Variants in LAMA2 observed in about 807,000 individuals in gnomAD.
LAMA2 encodes laminin subunit alpha-2.
Under a neutral mutation model 364.8 loss-of-function variants are expected in LAMA2, and 269 were observed. The ratio of observed to expected loss-of-function variants is 0.74; its 90% CI spans 0.67 to 0.82. The LOEUF (loss-of-function observed/expected upper bound fraction) is 0.82. Among genes scored for constraint, LAMA2 ranks in the 40% least tolerant of loss-of-function variants. The probability of loss-of-function intolerance (pLI) is 0.00; values close to 1 mark genes in which losing one functional copy is unlikely to be tolerated. For synonymous variants in LAMA2, 1,379 were observed against 1,370.6 expected, an observed-to-expected ratio of 1.01 and a Z score of -0.14; for missense variants, 3,807 against 3,873.2, an observed-to-expected ratio of 0.98 and a Z score of 0.45.
At chr6:129,511,770 G>GAATT (rs35850640) in intron 62 of LAMA2, among the ~76,000 whole-genome samples, 102,931 of 151,372 alleles carry the variant, frequency 0.68, 36,367 homozygotes, top group East Asian at 0.77. Flanking sequence ...ATAGAGGAAA[G>GAATT]AATTAACTGG....
intron 1 of LAMA2, among the ~76,000 whole-genome samples, chr6:128,897,231 C>T (rs998601936): frequency 1.1e-4 from 17 of 152,098 alleles, no homozygotes; most frequent in East Asian, 5.8e-4. Context: ...TTTTATTTCC[C>T]TTTTTTGTGA....
At chr6:129,099,531 T>C (rs1011054597) in intron 4 of LAMA2, among the ~76,000 whole-genome samples, 7 of 152,178 alleles carry the variant, frequency 4.6e-5, no homozygotes, top group Admixed American at 6.6e-5. Flanking sequence ...TATATCTCCA[T>C]TGATACTCAT....
intron 60 of LAMA2, among the ~76,000 whole-genome samples, chr6:129,503,625 T>C (rs1785819621): frequency 6.6e-6 from 1 of 152,222 alleles, no homozygotes; most frequent in African/African-American, 2.4e-5. Context: ...CTCGATGTAT[T>C]CAATTTTAAG....
chr6:129,455,870 G>A (rs369913005), intron 47 of LAMA2, among the ~76,000 whole-genome samples: 3 of 152,258 alleles, frequency 2.0e-5, no homozygotes, highest in African/African-American at 4.8e-5. Context: ...GAGAAATCAT[G>A]CAGCTTATGA....
chr6:129,053,650 G>A (rs910302373), intron 2 of LAMA2, among the ~76,000 whole-genome samples: 4 of 152,156 alleles, frequency 2.6e-5, no homozygotes, highest in African/African-American at 7.2e-5. Context: ...TAAATGCTTC[G>A]AAGATAATTG....
At chr6:129,369,067 T>A (rs1777930264) in intron 33 of LAMA2, among the ~76,000 whole-genome samples, 1 of 152,150 alleles carries the variant, frequency 6.6e-6, no homozygotes, top group Admixed American at 6.6e-5. Flanking sequence ...CTCAACTGGG[T>A]GCTATTCAGA....
chr6:129,482,562 C>T (rs1477272594), intron 55 of LAMA2, among the ~76,000 whole-genome samples: 2 of 152,100 alleles, frequency 1.3e-5, no homozygotes, highest in Non-Finnish European at 1.5e-5. Context: ...CCTTGTAAAC[C>T]AGATCATGTT....
At chr6:129,411,481 A>C (rs934233113) in intron 40 of LAMA2, among the ~76,000 whole-genome samples, 4 of 152,240 alleles carry the variant, frequency 2.6e-5, no homozygotes, top group Non-Finnish European at 5.9e-5. Flanking sequence ...AAAAAATAAC[A>C]TTATACAGAA....
chr6:129,390,928 G>A (rs1562520157), intron 35 of LAMA2, among the ~76,000 whole-genome samples: 1 of 152,074 alleles, frequency 6.6e-6, no homozygotes, highest in Non-Finnish European at 1.5e-5. Flanking sequence ...AAGTGTCCTT[G>A]AAGCCTAATT....
At chr6:129,205,256 G>C (rs1174842184) in intron 12 of LAMA2, among the ~76,000 whole-genome samples, 1 of 151,716 alleles carries the variant, frequency 6.6e-6, no homozygotes, top group Non-Finnish European at 1.5e-5. Flanking sequence ...GCTGGACCTA[G>C]TGGCACACGC....
At chr6:129,227,698 C>A (rs1784399881) in intron 12 of LAMA2, among the ~76,000 whole-genome samples, 1 of 152,142 alleles carries the variant, frequency 6.6e-6, no homozygotes, top group Non-Finnish European at 1.5e-5. Context: ...AGCTTCGTCT[C>A]AGAGGGGTAC....
At position 129,502,644 on chromosome 6, in the gene LAMA2, C is replaced by G. The variant is rs1437792875; in HGVS notation, c.8245-15C>G. 2 of 1,549,672 alleles carry G rather than the reference C, an allele frequency of 1.3e-6. No homozygotes were observed. Among genetic ancestry groups the G allele is most frequent in the African/African-American group, 1.4e-5 (1 of 73,506 alleles). ...GTCCATAATCTCCTGTTTTTCTCTC[C>G]TGGGTATTTTACAGGGTCCTTGTGC... On this transcript the variant is annotated splice_polypyrimidine_tract_variant and intron_variant, in intron 58 of 64. Coordinates refer to ENST00000421865, the MANE Select transcript of LAMA2 (RefSeq NM_000426.4).
rs913639072 is a variant in LAMA2 at position 129,267,219 on chromosome 6, G to C, written c.2322G>C (p.Leu774=). ...GTGATGACGTCACTGGAGAATGCCT[G>C]GTAAGTGCTCTCTTCTTTGGGGATG... ...ESCDDVTGEC[L]NCKDHTGGPY... The change falls in exon 16 of 65, where the codon CTG becomes CTC. Residue 774 remains leucine, a splice_region_variant and synonymous_variant. Coordinates refer to ENST00000421865, the MANE Select transcript of LAMA2 (RefSeq NM_000426.4). 6.3e-7 allele frequency: 1 copy of C among 1,589,074 alleles called. No individual in the cohort carries two copies. Among genetic ancestry groups the C allele is most frequent in the Non-Finnish European group, 8.6e-7 (1 of 1,157,566 alleles).
rs13208140 is a variant in LAMA2, at chr6:129,221,173, T to A, written c.1782+28320T>A. Among the ~76,000 whole-genome samples the A allele has an allele frequency of 1.8e-3, 216 of 121,222 alleles. 2 individuals are homozygous for A. Among genetic ancestry groups the A allele is most frequent in the Non-Finnish European group, 2.1e-3 (111 of 52,016 alleles). 79.5% of individuals were successfully genotyped at this position (121,222 alleles called of 152,430 possible). A position where few individuals can be genotyped will look rare whatever the true frequency, so the allele number is the denominator to read the frequency against. On this transcript the variant is annotated intron_variant, in intron 12 of 64. Coordinates refer to ENST00000421865, the MANE Select transcript of LAMA2 (RefSeq NM_000426.4). ...GCAAGACTCCATCTCAAAAAAAAAA[T>A]AAAAATTAAAAAAAAAGCCTGAACC...
chr6:128,937,554 T>A (rs553003491), intron 1 of LAMA2, among the ~76,000 whole-genome samples: 3 of 152,280 alleles, frequency 2.0e-5, no homozygotes, highest in African/African-American at 7.2e-5. Flanking sequence ...CTAGCCTTTA[T>A]CAACTTCTTG....
rs576316406 is a variant in LAMA2, at chr6:129,192,583, T to C, written c.1609-97T>C. Reference sequence around the variant, plus strand: ...GTTTGTGGTTTGGTTTTTTTTGTTTTTAATTTCCAAAAGTGGACACGACCA... The same window carrying C: ...GTTTGTGGTTTGGTTTTTTTTGTTTCTAATTTCCAAAAGTGGACACGACCA... On this transcript the variant is annotated intron_variant, in intron 11 of 64. Transcript: ENST00000421865. 7 of 1,250,896 alleles carry C rather than the reference T, an allele frequency of 5.6e-6. No homozygotes were observed. The South Asian group carries it at 9.2e-5, about 16-fold the overall frequency. The allele number at this position is 1,250,896 out of a possible 1,614,324, so 77.5% of individuals were successfully genotyped here.
At chr6:129,309,545 A>G (rs1774080785) in intron 22 of LAMA2, among the ~76,000 whole-genome samples, 1 of 152,224 alleles carries the variant, frequency 6.6e-6, no homozygotes, top group African/African-American at 2.4e-5. Context: ...TATAGTTTTG[A>G]TAACATGATT....
At chr6:129,284,312 C>A (rs1055124609) in intron 18 of LAMA2, among the ~76,000 whole-genome samples, 1 of 152,144 alleles carries the variant, frequency 6.6e-6, no homozygotes, top group Non-Finnish European at 1.5e-5. Context: ...CCCTGTTCAG[C>A]TCCCAAAAGT....
At chr6:129,421,321 A>G (rs117265661) in intron 40 of LAMA2, among the ~76,000 whole-genome samples, 2,122 of 152,042 alleles carry the variant, frequency 0.014, 29 homozygotes, top group Non-Finnish European at 0.02. Flanking sequence ...TATAACTTGT[A>G]TATCCATATG....
Sources: allele counts gnomAD v4.1 joint callset (sites outside exome capture counted in the v4.1 genomes callset), GRCh38; gene constraint gnomAD v4.1.1; transcripts MANE v1.5; gene names NCBI Gene and HGNC (gene_info 2026-07-23, HGNC 2026-07-21).